RIMS1: variants seen among roughly 807,000 people sequenced by gnomAD.
RIMS1 encodes the protein regulating synaptic membrane exocytosis 1.
RIMS1 carries 83 observed loss-of-function variants against 214.1 expected under a neutral mutation model. The observed-to-expected ratio is 0.39, with a 90% confidence interval of 0.32 to 0.47. The LOEUF is 0.47. Among genes scored for constraint, RIMS1 ranks in the 20% least tolerant of loss-of-function variants. RIMS1 has a pLI of 0.99. For synonymous variants in RIMS1, 793 were observed against 786.8 expected (o/e 1.01, Z -0.13); for missense variants, 2,050 against 2,161.8 (o/e 0.95, Z 1.03).
At chr6:72,179,146 C>G (rs184915311) in intron 4 of RIMS1, among the ~76,000 whole-genome samples, 2 of 152,188 alleles carry the variant, frequency 1.3e-5, no homozygotes, top group African/African-American at 2.4e-5. Context: ...AAAATACTTG[C>G]AAGTACTGAG....
At chr6:72,180,698 G>T (rs1220833634) in intron 5 of RIMS1, among the ~76,000 whole-genome samples, 2 of 152,234 alleles carry the variant, frequency 1.3e-5, no homozygotes, top group Non-Finnish European at 2.9e-5. Context: ...TTATCTTCAT[G>T]AGGCTCATGA....
chr6:72,401,762 A>G lies in RIMS1; in HGVS notation c.*1048A>G, dbSNP rs1253513815. The G allele has an allele frequency of 6.6e-6, 1 of 152,668 alleles. No individual in the cohort carries two copies. Among genetic ancestry groups the G allele is most frequent in the African/African-American group, 2.4e-5 (1 of 41,468 alleles). The allele number at this position is 152,668 out of a possible 1,614,324, so 9.5% of individuals were successfully genotyped here. A position where few individuals can be genotyped will look rare whatever the true frequency, so the allele number is the denominator to read the frequency against. On this transcript the variant is annotated 3_prime_UTR_variant, in exon 34 of 34. Transcript: ENST00000521978. ...AGGCTTCTCAGCCATACCTCAGTGT[A>G]GACACATCCATCTGCCCTGGAAAGA...
chr6:71,890,102 G>A (rs901011552), intron 1 of RIMS1, among the ~76,000 whole-genome samples: 2 of 152,166 alleles, frequency 1.3e-5, no homozygotes, highest in Admixed American at 1.3e-4. Context: ...AAATGTATTT[G>A]TAAGTTTCAT....
chr6:72,147,152 T>C (rs2042867818), intron 4 of RIMS1, among the ~76,000 whole-genome samples: 1 of 152,234 alleles, frequency 6.6e-6, no homozygotes. Context: ...TTTTTATTTC[T>C]CAAAGATTAA....
chr6:72,003,344 T>G (rs1418467367), intron 2 of RIMS1, among the ~76,000 whole-genome samples: 6 of 152,126 alleles, frequency 3.9e-5, no homozygotes, highest in Admixed American at 6.5e-5. Context: ...TATCCGATTT[T>G]AAGTTCCATA....
At chr6:72,110,054 T>G (rs200803176) in intron 4 of RIMS1, among the ~76,000 whole-genome samples, 37 of 151,818 alleles carry the variant, frequency 2.4e-4, no homozygotes, top group South Asian at 2.1e-3. Flanking sequence ...CTGTTCCATT[T>G]ATCTATATCT....
At chr6:72,126,442 G>C (rs1300307529) in intron 4 of RIMS1, among the ~76,000 whole-genome samples, 1 of 152,090 alleles carries the variant, frequency 6.6e-6, no homozygotes, top group Non-Finnish European at 1.5e-5. Flanking sequence ...AAACTGAAAA[G>C]CTTCTGCACA....
chr6:72,031,358 T>C (rs1247622066), intron 2 of RIMS1, among the ~76,000 whole-genome samples: 1 of 152,170 alleles, frequency 6.6e-6, no homozygotes, highest in African/African-American at 2.4e-5. Flanking sequence ...CCCTACCCCA[T>C]TCTTTATATC....
chr6:72,196,543 G>A (rs976837169), intron 6 of RIMS1, among the ~76,000 whole-genome samples: 12 of 125,240 alleles, frequency 9.6e-5, no homozygotes, highest in East Asian at 2.5e-4. Flanking sequence ...CCCATTTCCC[G>A]TTTGCCCTAA....
chr6:72,378,921 T>G (rs2098439875), intron 29 of RIMS1, among the ~76,000 whole-genome samples: 1 of 152,116 alleles, frequency 6.6e-6, no homozygotes, highest in East Asian at 1.9e-4. Flanking sequence ...ATAAACGGTG[T>G]TTATTGCTAG....
At chr6:72,357,982 A>G (rs1384636630) in intron 29 of RIMS1, among the ~76,000 whole-genome samples, 2 of 152,198 alleles carry the variant, frequency 1.3e-5, no homozygotes, top group Non-Finnish European at 2.9e-5. Context: ...CTTTTATGCA[A>G]CTATAACTTT....
In RIMS1 at chr6:72,026,316, C is replaced by CTA. The variant is rs1816454593; in HGVS notation, c.245+57256_245+57257dup. ...GATTTATCACATACCAGCTGGTGGC[C>CTA]TATAGTATATTATATCTAAATTCCC... On this transcript the variant is annotated intron_variant, in intron 2 of 33. Transcript: ENST00000521978. Among the ~76,000 whole-genome samples, 6 of 152,120 alleles carry CTA rather than the reference C, an allele frequency of 3.9e-5. No homozygotes were observed. In the South Asian group the frequency reaches 1.2e-3, roughly 32 times the overall value.
chr6:71,902,269 A>G (rs1418182810), intron 1 of RIMS1, among the ~76,000 whole-genome samples: 1 of 151,976 alleles, frequency 6.6e-6, no homozygotes, highest in Admixed American at 6.6e-5. Flanking sequence ...TTTGAGGATA[A>G]AGAAAAAAGT....
At chr6:72,011,641 C>A (rs1272123848) in intron 2 of RIMS1, among the ~76,000 whole-genome samples, 1 of 152,056 alleles carries the variant, frequency 6.6e-6, no homozygotes, top group African/African-American at 2.4e-5. Flanking sequence ...AAGAAAAAAA[C>A]AAACAACCCC....
chr6:72,395,194 T>C (rs1157650447), intron 31 of RIMS1, among the ~76,000 whole-genome samples: 6 of 152,014 alleles, frequency 3.9e-5, no homozygotes, highest in Non-Finnish European at 8.8e-5. Context: ...CTTACTCTAA[T>C]AGGAGCCTAA....
intron 6 of RIMS1, among the ~76,000 whole-genome samples, chr6:72,211,471 T>C (rs1460603422): frequency 6.6e-6 from 1 of 152,210 alleles, no homozygotes; most frequent in Non-Finnish European, 1.5e-5. Flanking sequence ...AGCAACAGGA[T>C]ATTACATAAG....
intron 4 of RIMS1, chr6:72,148,628 C>A (rs1233021860): frequency 2.2e-6 from 1 of 456,674 alleles, no homozygotes; most frequent in African/African-American, 2.0e-5. Context: ...AGTGGGGAGC[C>A]CAGTCAGCAG....
At chr6:72,168,257 T>G (rs970626178) in intron 4 of RIMS1, among the ~76,000 whole-genome samples, 6 of 152,192 alleles carry the variant, frequency 3.9e-5, no homozygotes, top group African/African-American at 1.4e-4. Flanking sequence ...AGAATTTGAC[T>G]GAGGGGTTTA....
intron 28 of RIMS1, among the ~76,000 whole-genome samples, chr6:72,319,331 A>G (rs898429871): frequency 5.9e-5 from 9 of 152,160 alleles, no homozygotes; most frequent in Non-Finnish European, 2.9e-5. Context: ...CATGAGGTGT[A>G]ATGGAAGGAG....
Sources: allele counts gnomAD v4.1 joint callset (sites outside exome capture counted in the v4.1 genomes callset), GRCh38; gene constraint gnomAD v4.1.1; transcripts MANE v1.5; gene names NCBI Gene and HGNC (gene_info 2026-07-23, HGNC 2026-07-21).